The following GABBR2 variants were observed in gnomAD, a reference collection of about 807,000 sequenced individuals.
GABBR2 encodes gamma-aminobutyric acid type B receptor subunit 2.
In GABBR2, 23 loss-of-function variants were observed where a neutral mutation model predicts 105.6. The ratio of observed to expected loss-of-function variants is 0.22; its 90% CI spans 0.16 to 0.31. The LOEUF (loss-of-function observed/expected upper bound fraction) is 0.31, where lower values mean the gene tolerates loss of function less well. GABBR2 is among the 10% of genes least tolerant of loss of function. The pLI, the probability that GABBR2 is intolerant of heterozygous loss-of-function variation, is 1.00. For synonymous variants in GABBR2, 478 were observed against 499.7 expected (o/e 0.96, Z 0.58); for missense variants, 734 against 1,245.5 (o/e 0.59, Z 6.18).
chr9:98,600,574 T>C (rs995955860), intron 1 of GABBR2, among the ~76,000 whole-genome samples: 1 of 152,258 alleles, frequency 6.6e-6, no homozygotes, highest in African/African-American at 2.4e-5. Context: ...TGCATAGGCA[T>C]GGTGCTCAGC....
chr9:98,426,980 G>A (rs1410302163), intron 7 of GABBR2, among the ~76,000 whole-genome samples: 1 of 152,222 alleles, frequency 6.6e-6, no homozygotes, highest in Admixed American at 6.5e-5. Flanking sequence ...TCCAGCCTGC[G>A]TGACAGAACA....
chr9:98,438,457 T>A (rs1030721216), intron 7 of GABBR2, among the ~76,000 whole-genome samples: 3 of 152,202 alleles, frequency 2.0e-5, no homozygotes, highest in Admixed American at 2.0e-4. Flanking sequence ...CTCTGATGTA[T>A]CTGTTCACTA....
At chr9:98,608,214 A>G (rs1308581626) in intron 1 of GABBR2, 37 of 839,174 alleles carry the variant, frequency 4.4e-5, no homozygotes, top group Middle Eastern at 3.5e-4. Context: ...CGTTTGACCA[A>G]TTTGAGCCAG....
chr9:98,472,295 A>C (rs1826699886), intron 6 of GABBR2, among the ~76,000 whole-genome samples: 1 of 152,244 alleles, frequency 6.6e-6, no homozygotes, highest in Non-Finnish European at 1.5e-5. Context: ...ACAATGATAG[A>C]GAATGGTGTG....
At chr9:98,396,981 C>T (rs1288193243) in intron 8 of GABBR2, among the ~76,000 whole-genome samples, 1 of 152,186 alleles carries the variant, frequency 6.6e-6, no homozygotes, top group Admixed American at 6.5e-5. Context: ...ATGAATTGGG[C>T]ATAATTCATC....
At chr9:98,625,554 A>G (rs1829726194) in intron 1 of GABBR2, among the ~76,000 whole-genome samples, 1 of 152,106 alleles carries the variant, frequency 6.6e-6, no homozygotes, top group South Asian at 2.1e-4. Context: ...GGGCTATGAT[A>G]TCCCCTCGCC....
At chr9:98,606,794 TATG>T (rs2131809924) in intron 1 of GABBR2, 1 of 320,928 alleles carries the variant, frequency 3.1e-6, no homozygotes, top group South Asian at 2.9e-5. Context: ...ATCATTTTTT[TATG>T]ATAACTTTCC....
chr9:98,373,687 T>G (rs112206302), intron 11 of GABBR2, among the ~76,000 whole-genome samples: 3,258 of 152,236 alleles, frequency 0.021, 123 homozygotes, highest in African/African-American at 0.074. Flanking sequence ...ACAGCATTTT[T>G]GATAACATTC....
intron 1 of GABBR2, among the ~76,000 whole-genome samples, chr9:98,638,423 G>C (rs1342494007): frequency 6.6e-6 from 1 of 152,148 alleles, no homozygotes; most frequent in Non-Finnish European, 1.5e-5. Context: ...AAGCAGAGAT[G>C]GGGCTGGAAC....
chr9:98,637,817 A>G lies in GABBR2; in HGVS notation c.322-59745T>C, dbSNP rs572233329. Among the ~76,000 whole-genome samples the G allele has an allele frequency of 8.5e-5, 13 of 152,348 alleles. 1 individual carries two copies. The East Asian group carries it at 2.5e-3, about 29-fold the overall frequency. ...GCCCCATGTTGGGTTTCTGACCTCC[A>G]GAACTATCAGATAATAAAGTTGTGT... is the stretch of plus-strand genomic sequence containing the variant. On this transcript the variant is annotated intron_variant, in intron 1 of 18. Transcript: ENST00000259455.
Position 98,578,946 on chromosome 9 carries a change from C to T in GABBR2, c.322-874G>A, listed in dbSNP as rs556196858. 3.7e-3 allele frequency among the ~76,000 whole-genome samples: 564 copies of T among 152,098 alleles called. 2 individuals carry two copies. Among genetic ancestry groups the T allele is most frequent in the African/African-American group, 0.012 (483 of 41,514 alleles). Reference sequence around the variant, plus strand: ...AAAGAAAGTAGAAATGGTGGTTGCCCGGGGCTGGGGGGAGCAGGGAAGGGG... The same window carrying T: ...AAAGAAAGTAGAAATGGTGGTTGCCTGGGGCTGGGGGGAGCAGGGAAGGGG... On this transcript the variant is annotated intron_variant, in intron 1 of 18. Coordinates refer to ENST00000259455, the MANE Select transcript of GABBR2 (RefSeq NM_005458.8).
At chr9:98,413,924 A>G (rs1832636960) in intron 7 of GABBR2, among the ~76,000 whole-genome samples, 1 of 152,228 alleles carries the variant, frequency 6.6e-6, no homozygotes, top group Non-Finnish European at 1.5e-5. Context: ...ATGAGTGTCT[A>G]AGAAGTACGG....
At chr9:98,332,276 G>T (rs1831041252) in intron 13 of GABBR2, among the ~76,000 whole-genome samples, 2 of 152,206 alleles carry the variant, frequency 1.3e-5, no homozygotes, top group African/African-American at 4.8e-5. Flanking sequence ...TTTGCTCTTG[G>T]CAGCAGTGCA....
At chr9:98,317,156 A>G (rs1564014033) in intron 13 of GABBR2, among the ~76,000 whole-genome samples, 1 of 152,234 alleles carries the variant, frequency 6.6e-6, no homozygotes, top group Non-Finnish European at 1.5e-5. Flanking sequence ...AGCTGAACTC[A>G]GGCTGATAAA....
At chr9:98,582,264 T>C (rs1363539917) in intron 1 of GABBR2, among the ~76,000 whole-genome samples, 1 of 152,198 alleles carries the variant, frequency 6.6e-6, no homozygotes, top group Admixed American at 6.5e-5. Flanking sequence ...GATCAGAGAT[T>C]GGAAGCATGA....
intron 3 of GABBR2, among the ~76,000 whole-genome samples, chr9:98,539,099 C>T (rs752690907): frequency 1.2e-4 from 18 of 152,288 alleles, no homozygotes; most frequent in African/African-American, 4.1e-4. Context: ...GACCATGTAG[C>T]GAGGACACAC....
intron 1 of GABBR2, among the ~76,000 whole-genome samples, chr9:98,637,087 A>G (rs1357247311): frequency 6.6e-6 from 1 of 152,108 alleles, no homozygotes; most frequent in Non-Finnish European, 1.5e-5. Context: ...AAGAGCTGCA[A>G]CCCTTAAAAA....
chr9:98,521,815 G>A (rs543488808), intron 3 of GABBR2, among the ~76,000 whole-genome samples: 28 of 152,136 alleles, frequency 1.8e-4, no homozygotes, highest in South Asian at 1.7e-3. Flanking sequence ...TGCTGTAAGC[G>A]AATACCAGGT....
chr9:98,582,412 T>A (rs80010894), intron 1 of GABBR2, among the ~76,000 whole-genome samples: 2,457 of 152,272 alleles, frequency 0.016, 82 homozygotes, highest in African/African-American at 0.056. Flanking sequence ...TCTTCCCCAG[T>A]TGAGCCTCCA....
Sources: gnomAD v4.1 joint callset for allele counts (sites outside exome capture counted in the v4.1 genomes callset) on GRCh38, gnomAD v4.1.1 for gene constraint, MANE v1.5 for transcripts, NCBI Gene and HGNC (gene_info 2026-07-23, HGNC 2026-07-21) for gene names.